NFE2L1: variants seen among roughly 807,000 people sequenced by gnomAD.
NFE2L1 encodes endoplasmic reticulum membrane sensor NFE2L1.
In NFE2L1, 18 loss-of-function variants were observed where a neutral mutation model predicts 61.6. The ratio of observed to expected loss-of-function variants is 0.29; its 90% confidence interval spans 0.20 to 0.43. The LOEUF is 0.43. Among genes scored for constraint, NFE2L1 ranks in the 20% least tolerant of loss-of-function variants. The pLI, the probability that NFE2L1 is intolerant of heterozygous loss-of-function variation, is 1.00. For missense variants in NFE2L1, 827 were observed against 973.5 expected, an observed-to-expected ratio of 0.85 and a Z score of 2.00; for synonymous variants, 419 against 402.7, an observed-to-expected ratio of 1.04 and a Z score of -0.48.
chr17:48,059,377 T>C lies in NFE2L1; in HGVS notation c.2055T>C (p.Asp685=). 6.2e-7 allele frequency: 1 copy of C among 1,614,048 alleles called. No individual in the cohort carries two copies. Among genetic ancestry groups the C allele is most frequent in the Non-Finnish European group, 8.5e-7 (1 of 1,179,994 alleles). The change falls in exon 6 of 6, where the codon GAT becomes GAC. Residue 685 remains aspartate, a synonymous_variant. Coordinates refer to ENST00000362042, the MANE Select transcript of NFE2L1 (RefSeq NM_003204.3). This position sits in a 1 kb window ranked among gnomAD's most constrained non-coding sequence, Gnocchi z 6.1. The stretch of plus-strand genomic sequence containing the variant: ...ACACCATCCTGAATCTGGAGCGTGA[T>C]GTGGAGGACCTGCAGCGTGACAAAG... ...KLDTILNLER[D]VEDLQRDKAR...
chr17:48,052,238 C>T (rs571968735), intron 2 of NFE2L1, among the ~76,000 whole-genome samples: 1 of 152,328 alleles, frequency 6.6e-6, no homozygotes, highest in South Asian at 2.1e-4. Context: ...CTGCATTCTG[C>T]TGCCCAAGTC....
rs763283250 is a variant in NFE2L1, at chr17:48,058,837, C to G, written c.1515C>G (p.Ser505=). The change falls in exon 6 of 6, where the codon TCC becomes TCG. Residue 505 remains serine (S), a synonymous_variant. Coordinates refer to ENST00000362042, the MANE Select transcript of NFE2L1 (RefSeq NM_003204.3). ...CTTCCTCTTCTTCCTCCTCCTCTTC[C>G]TCTTCTTCCTCTGCTTCTTCCTCTG... ...GSSSSSSSSS[S]SSSSASSSAS... 2 of 1,613,834 alleles carry G rather than the reference C, an allele frequency of 1.2e-6. No homozygotes were observed. The highest frequency in any genetic ancestry group is 1.7e-6 in the Non-Finnish European group (2 of 1,179,960).
chr17:48,055,295 T>G, intron 2 of NFE2L1: 1 of 1,008,166 alleles, frequency 9.9e-7, no homozygotes, highest in Non-Finnish European at 1.3e-6. Flanking sequence ...TGTCTGCATT[T>G]TAACCCCTGG....
At position 48,051,042 on chromosome 17, in the gene NFE2L1, C is replaced by T. The variant is rs185691749; in HGVS notation, c.-77C>T. Reference sequence around the variant, plus strand: ...GAGGAGGGTAACCTGCTGGCTGGAGCGGCAGAGCAGTGGCCTTGATTTGTC... The same window carrying T: ...GAGGAGGGTAACCTGCTGGCTGGAGTGGCAGAGCAGTGGCCTTGATTTGTC... On this transcript the variant is annotated 5_prime_UTR_variant, in exon 2 of 6. Transcript: ENST00000362042. 33 of 1,569,858 alleles carry T rather than the reference C, an allele frequency of 2.1e-5. No homozygotes were observed. The highest frequency in any genetic ancestry group is 1.8e-4 in the East Asian group (8 of 44,594).
chr17:48,055,012 G>T (rs763381589), intron 2 of NFE2L1: 13 of 1,513,998 alleles, frequency 8.6e-6, no homozygotes, highest in Non-Finnish European at 1.1e-5. Context: ...GGCTCATCTC[G>T]CAGACCATGA....
chr17:48,057,115 T>A lies in NFE2L1; in HGVS notation c.807T>A (p.Asn269Lys). ...LLEATCPFGENAEFPADISSI... is the reference protein window; with the variant it reads ...LLEATCPFGEKAEFPADISSI... ...AAGCCACCTGCCCCTTTGGGGAGAA[T>A]GCTGAGGTGAGCAGGACTCCAGTGA... The change falls in exon 4 of 6, where the codon AAT becomes AAA. Residue 269 changes from asparagine (N) to lysine (K), a missense_variant. By Grantham distance (94) the Asn-to-Lys change is moderately conservative. Coordinates refer to ENST00000362042, the MANE Select transcript of NFE2L1 (RefSeq NM_003204.3). 6.2e-7 allele frequency: 1 copy of A among 1,613,314 alleles called. No individual in the cohort carries two copies. The highest frequency in any genetic ancestry group is 8.5e-7 in the Non-Finnish European group (1 of 1,179,856).
intron 2 of NFE2L1, chr17:48,055,269 C>CT (rs2037370944): frequency 8.6e-7 from 1 of 1,167,212 alleles, no homozygotes; most frequent in Non-Finnish European, 1.1e-6. Context: ...AAGGAAATTG[C>CT]TTTCTGGAAA....
At chr17:48,050,585 G>T in intron 1 of NFE2L1, 22 bp from the exon 2 acceptor site, 2 of 409,526 alleles carry the variant, frequency 4.9e-6, no homozygotes, top group Non-Finnish European at 4.3e-6. Flanking sequence ...TTATCCTGTT[G>T]CTTTTGTGAT....
chr17:48,054,325 CTCAAGGAGACGGAG>C (rs2037331884), intron 2 of NFE2L1: 1 of 161,174 alleles, frequency 6.2e-6, no homozygotes, highest in Admixed American at 6.5e-5. Flanking sequence ...GGCGCATCTC[CTCAAGGAGACGGAG>C]GCGGCCCAGG....
intron 2 of NFE2L1, chr17:48,056,049 T>C: frequency 3.5e-6 from 1 of 286,528 alleles, no homozygotes; most frequent in Non-Finnish European, 6.6e-6. Flanking sequence ...AGGTGTCTCC[T>C]GATGTTCCCC....
At chr17:48,049,221 T>C (rs1598275849) in intron 1 of NFE2L1, 1 of 152,350 alleles carries the variant, frequency 6.6e-6, no homozygotes, top group Admixed American at 6.5e-5. Context: ...ACAGATTTAC[T>C]TCCTCTGCAC....
intron 2 of NFE2L1, chr17:48,054,555 G>T (rs12939872): frequency 1.6e-6 from 2 of 1,215,744 alleles, no homozygotes; most frequent in Non-Finnish European, 1.0e-6. Flanking sequence ...CTGCTGACCT[G>T]GGGGAGGGGA....
At chr17:48,056,918 A>G (rs2037416619) in intron 3 of NFE2L1, 114 bp from the exon 4 acceptor site, 2 of 1,077,640 alleles carry the variant, frequency 1.9e-6, no homozygotes, top group African/African-American at 1.6e-5. Flanking sequence ...GGGGCCAGCC[A>G]TTAGCCTGGG....
chr17:48,056,320 C>CT, intron 2 of NFE2L1, 66 bp from the exon 3 acceptor site: 2 of 1,594,150 alleles, frequency 1.3e-6, no homozygotes, highest in South Asian at 1.1e-5. Context: ...GGAGGGAACT[C>CT]TGAGGGGCAG....
intron 2 of NFE2L1, chr17:48,054,454 C>T (rs1263711924): frequency 4.3e-6 from 2 of 467,692 alleles, no homozygotes; most frequent in Non-Finnish European, 6.5e-6. Flanking sequence ...GCTCCTTCCG[C>T]ATCTCCAGCG....
chr17:48,059,050 A>C lies in NFE2L1; in HGVS notation c.1728A>C (p.Thr576=). 3 of 1,614,074 alleles carry C rather than the reference A, an allele frequency of 1.9e-6. No individual in the cohort carries two copies. Among genetic ancestry groups the C allele is most frequent in the Non-Finnish European group, 2.5e-6 (3 of 1,180,034 alleles). Residue 576 remains threonine, a synonymous_variant, in exon 6 of 6, where the codon ACA becomes ACC. Transcript: ENST00000362042. The surrounding 1 kb of genome is among the most constrained non-coding windows in gnomAD (Gnocchi z 6.1). ...PYLEHVGHNH[T]YNMAPSALDS... The stretch of plus-strand genomic sequence containing the variant: ...TGGAGCACGTGGGCCACAACCACAC[A>C]TACAACATGGCACCCAGTGCCCTGG...
chr17:48,058,380 C>G lies in NFE2L1; in HGVS notation c.1058C>G (p.Pro353Arg), dbSNP rs1166905598. The change falls in exon 6 of 6, where the codon CCC (proline) becomes CGC (arginine). Residue 353 changes from proline to arginine, a missense_variant. Around this residue, in one of 3 missense-constraint regions of NFE2L1, gnomAD observed 667 missense variants for 748.4 expected, o/e 0.89. Transcript: ENST00000362042. ...DPLSTNYSLA[P>R]NTPINQNVSL... ...CTGAGCACCAACTACAGCCTTGCCCCCAACACTCCCATCAATCAGAATGTC... is the reference window on the plus strand; with the variant it reads ...CTGAGCACCAACTACAGCCTTGCCCGCAACACTCCCATCAATCAGAATGTC... The G allele has an allele frequency of 6.2e-7, 1 of 1,614,158 alleles. No individual in the cohort carries two copies. Among genetic ancestry groups the G allele is most frequent in the Admixed American group, 1.7e-5 (1 of 60,010 alleles).
rs1202094122 is a variant in NFE2L1 at position 48,059,276 on chromosome 17, C to T, written c.1954C>T (p.Leu652=). ...CAAATACCAGTTGAGTGAAGCCCAG[C>T]TGAGCCTCATCCGAGACATCCGGCG... ...LSKYQLSEAQ[L]SLIRDIRRRG... is the part of the protein sequence containing the mutation. The change falls in exon 6 of 6, where the codon CTG becomes TTG. Residue 652 remains leucine (L), a synonymous_variant. Transcript: ENST00000362042. This position sits in a 1 kb window ranked among gnomAD's most constrained non-coding sequence, Gnocchi z 6.1. 4 of 1,614,102 alleles carry T rather than the reference C, an allele frequency of 2.5e-6. No homozygotes were observed. Among genetic ancestry groups the T allele is most frequent in the Non-Finnish European group, 3.4e-6 (4 of 1,180,066 alleles).
rs1001662679 is a variant in NFE2L1, at chr17:48,060,351, G to A, written c.*710G>A. On this transcript the variant is annotated 3_prime_UTR_variant, in exon 6 of 6. Coordinates refer to ENST00000362042, the MANE Select transcript of NFE2L1 (RefSeq NM_003204.3). ...ACTGGCTTTGAGATTTAGAGTCAAA[G>A]GGTAGAGTGAACAGGAAAGGGTCAC... 1 of 152,770 alleles carries A rather than the reference G, an allele frequency of 6.5e-6. No individual in the cohort carries two copies. The highest frequency in any genetic ancestry group is 2.4e-5 in the African/African-American group (1 of 41,444). 9.5% of individuals were successfully genotyped at this position (152,770 alleles called of 1,614,324 possible).
Sources: gnomAD v4.1 joint callset for allele counts (sites outside exome capture counted in the v4.1 genomes callset) on GRCh38, gnomAD v4.1.1 for gene constraint, gnomAD v4.1.1 regional missense constraint, Gnocchi (gnomAD v3.1) non-coding constraint, MANE v1.5 for transcripts, NCBI Gene and HGNC (gene_info 2026-07-23, HGNC 2026-07-21) for gene names.